The following PDZD2 variants were observed in gnomAD, a reference collection of about 807,000 sequenced individuals.
The protein encoded by PDZD2 is PDZ domain containing 2.
A neutral mutation model predicts 220.7 loss-of-function variants in PDZD2; 90 were observed. That is an observed-to-expected ratio of 0.41 (90% CI 0.34 to 0.49). The LOEUF (loss-of-function observed/expected upper bound fraction) is 0.49. Among genes scored for constraint, PDZD2 ranks in the 20% least tolerant of loss-of-function variants. PDZD2 has a pLI of 0.28. For synonymous variants in PDZD2, 1,375 were observed against 1,450.5 expected (o/e 0.95, Z 1.18); for missense variants, 3,174 against 3,608.5 (o/e 0.88, Z 3.08).
At chr5:31,866,125 A>G (rs1195308220) in intron 2 of PDZD2, among the ~76,000 whole-genome samples, 1 of 151,710 alleles carries the variant, frequency 6.6e-6, no homozygotes, top group East Asian at 1.9e-4. Context: ...CCTCAGCCTC[A>G]CGAGCTGGGA....
intron 3 of PDZD2, among the ~76,000 whole-genome samples, chr5:31,985,883 A>C (rs1335428821): frequency 6.6e-6 from 1 of 151,844 alleles, no homozygotes; most frequent in Non-Finnish European, 1.5e-5. Flanking sequence ...GTTCGAGACC[A>C]GCCTCAACAT....
At chr5:31,641,001 C>T (rs73751112) in intron 1 of PDZD2, among the ~76,000 whole-genome samples, 112 of 152,216 alleles carry the variant, frequency 7.4e-4, no homozygotes, top group African/African-American at 2.5e-3. Context: ...TTAAATCTAT[C>T]GCTGAAATTG....
intron 5 of PDZD2, among the ~76,000 whole-genome samples, chr5:32,006,490 G>T (rs1189837819): frequency 6.6e-6 from 1 of 151,608 alleles, no homozygotes; most frequent in Non-Finnish European, 1.5e-5. Flanking sequence ...AAGTAACTGG[G>T]ACTACAGACA....
Position 31,752,846 on chromosome 5 carries a change from G to T in PDZD2, c.-360-46043G>T, listed in dbSNP as rs6890551. On this transcript the variant is annotated intron_variant, in intron 1 of 24. Transcript: ENST00000438447. ...GCCAGATGTGGTTGCTTCCTCCTCTGAACCCCATAGTGGTTGGTGCCTTTC... is the reference window on the plus strand; with the variant it reads ...GCCAGATGTGGTTGCTTCCTCCTCTTAACCCCATAGTGGTTGGTGCCTTTC... 9.1e-3 allele frequency among the ~76,000 whole-genome samples: 1,381 copies of T among 152,280 alleles called. 8 individuals carry two copies. The highest frequency in any genetic ancestry group is 0.034 in the Middle Eastern group (10 of 294).
intron 4 of PDZD2, among the ~76,000 whole-genome samples, chr5:31,999,023 T>C (rs752893924): frequency 2.0e-5 from 3 of 152,386 alleles, no homozygotes; most frequent in Admixed American, 6.5e-5. Flanking sequence ...TGTCCAGTGC[T>C]CTGGCACAGT....
At chr5:31,930,037 G>A (rs959788926) in intron 2 of PDZD2, among the ~76,000 whole-genome samples, 16 of 152,058 alleles carry the variant, frequency 1.1e-4, no homozygotes, top group African/African-American at 3.9e-4. Flanking sequence ...CATGTGAAGT[G>A]CCTGCTTCTG....
intron 2 of PDZD2, among the ~76,000 whole-genome samples, chr5:31,921,975 A>C (rs1447369565): frequency 2.0e-5 from 3 of 152,204 alleles, no homozygotes; most frequent in African/African-American, 7.2e-5. Flanking sequence ...GTTACAGGCC[A>C]GCCAGCCACA....
rs368731631 is a variant in PDZD2 at position 31,639,831 on chromosome 5, A to G, written c.-361+394A>G. On this transcript the variant is annotated intron_variant, in intron 1 of 24. Coordinates refer to ENST00000438447, the MANE Select transcript of PDZD2 (RefSeq NM_178140.4). The surrounding 1 kb of genome is among the most constrained non-coding windows in gnomAD (Gnocchi z 4.1). ...TCCTCCGACAGGAGTGGAGGTACTC[A>G]GGTACTCCGGCCTCAGGTAATGTCT... is the stretch of plus-strand genomic sequence containing the variant. Among the ~76,000 whole-genome samples the G allele has an allele frequency of 1.3e-5, 2 of 152,278 alleles. No homozygotes were observed. Among genetic ancestry groups the G allele is most frequent in the African/African-American group, 4.8e-5 (2 of 41,572 alleles).
intron 21 of PDZD2, among the ~76,000 whole-genome samples, chr5:32,095,132 C>T (rs1020625701): frequency 6.6e-6 from 1 of 152,154 alleles, no homozygotes; most frequent in East Asian, 1.9e-4. Flanking sequence ...CAACCACAAG[C>T]AAGATGTACA....
intron 1 of PDZD2, among the ~76,000 whole-genome samples, chr5:31,775,380 G>A (rs1018744080): frequency 2.0e-5 from 3 of 151,584 alleles, no homozygotes; most frequent in Non-Finnish European, 4.4e-5. Flanking sequence ...AGCATGTGGC[G>A]GCTTGGCAGT....
At chr5:32,107,281 G>A (rs779465512) in intron 24 of PDZD2, 3 of 152,190 alleles carry the variant, frequency 2.0e-5, no homozygotes, top group Non-Finnish European at 4.4e-5. Flanking sequence ...AGTCCCCATG[G>A]TCACTAATGA....
At chr5:31,800,043 C>T (rs548862422) in intron 2 of PDZD2, among the ~76,000 whole-genome samples, 1 of 152,030 alleles carries the variant, frequency 6.6e-6, no homozygotes, top group Non-Finnish European at 1.5e-5. Context: ...TGAATACTCT[C>T]GAGCATATTT....
At chr5:31,854,647 G>A (rs1050240445) in intron 2 of PDZD2, among the ~76,000 whole-genome samples, 1 of 152,186 alleles carries the variant, frequency 6.6e-6, no homozygotes, top group Non-Finnish European at 1.5e-5. Flanking sequence ...CGAGGGTCTA[G>A]GGTAGGGCGC....
intron 6 of PDZD2, among the ~76,000 whole-genome samples, chr5:32,024,682 C>CA (rs1247455994): frequency 1.5e-3 from 51 of 33,554 alleles, no homozygotes; most frequent in Admixed American, 4.0e-3. Context: ...GACTTCATCT[C>CA]AAAAAAAAAA....
In PDZD2 at chr5:32,088,005, T is replaced by C; in HGVS notation, c.4557T>C (p.Phe1519=). The change falls in exon 20 of 25, where the codon TTT becomes TTC. Residue 1519 remains phenylalanine (F), a synonymous_variant. Coordinates refer to ENST00000438447, the MANE Select transcript of PDZD2 (RefSeq NM_178140.4). This position sits in a 1 kb window ranked among gnomAD's most constrained non-coding sequence, Gnocchi z 4.6. The part of the protein sequence containing the change: ...PDKHFTVNKN[F]LSNYSRNFSS... ...AACATTTTACTGTGAACAAAAACTT[T>C]CTGAGCAACTACTCTAGAAATTTTA... 2 of 1,614,240 alleles carry C rather than the reference T, an allele frequency of 1.2e-6. No homozygotes were observed. The highest frequency in any genetic ancestry group is 1.1e-5 in the South Asian group (1 of 91,090).
At chr5:31,992,370 T>G (rs1751286399) in intron 3 of PDZD2, among the ~76,000 whole-genome samples, 1 of 152,072 alleles carries the variant, frequency 6.6e-6, no homozygotes, top group Admixed American at 6.6e-5. Flanking sequence ...GGTTTGGGGC[T>G]GGGGGCAGGC....
intron 1 of PDZD2, among the ~76,000 whole-genome samples, chr5:31,709,023 G>C (rs1747961493): frequency 6.6e-6 from 1 of 151,956 alleles, no homozygotes; most frequent in African/African-American, 2.4e-5. Context: ...GAGTAGCTGG[G>C]ATTACAGGCA....
chr5:31,811,497 G>A (rs1755107126), intron 2 of PDZD2, among the ~76,000 whole-genome samples: 1 of 152,118 alleles, frequency 6.6e-6, no homozygotes, highest in Non-Finnish European at 1.5e-5. Flanking sequence ...ATGTCCTTTT[G>A]GGGAGGAAGG....
At chr5:31,723,871 A>T (rs1371550876) in intron 1 of PDZD2, among the ~76,000 whole-genome samples, 1 of 151,570 alleles carries the variant, frequency 6.6e-6, no homozygotes, top group Non-Finnish European at 1.5e-5. Context: ...GCCCACCTCG[A>T]CCTCCCAAAG....
Sources: gnomAD v4.1 joint callset for allele counts (sites outside exome capture counted in the v4.1 genomes callset) on GRCh38, gnomAD v4.1.1 for gene constraint, Gnocchi (gnomAD v3.1) non-coding constraint, MANE v1.5 for transcripts, NCBI Gene and HGNC (gene_info 2026-07-23, HGNC 2026-07-21) for gene names.